ODF2: variants seen among roughly 807,000 people sequenced by gnomAD.
The protein encoded by ODF2 is outer dense fiber protein 2.
ODF2 carries 47 observed loss-of-function variants against 110.2 expected under a neutral mutation model. The ratio of observed to expected loss-of-function variants is 0.43; its 90% CI spans 0.34 to 0.54. The LOEUF (loss-of-function observed/expected upper bound fraction) is 0.54. Ranked by LOEUF, ODF2 falls within the 20% of genes least tolerant of loss-of-function variation. The pLI, the probability that ODF2 is intolerant of heterozygous loss-of-function variation, is 0.03. For missense variants in ODF2, 812 were observed against 1,054.5 expected, an observed-to-expected ratio of 0.77 and a Z score of 3.19; for synonymous variants, 352 against 397.7, an observed-to-expected ratio of 0.89 and a Z score of 1.37.
intron 6 of ODF2, among the ~76,000 whole-genome samples, chr9:128,472,602 A>G (rs1204719067): frequency 6.6e-6 from 1 of 152,196 alleles, no homozygotes; most frequent in East Asian, 1.9e-4. Flanking sequence ...TCGTATCTGA[A>G]GATGGTGCGT....
intron 13 of ODF2, among the ~76,000 whole-genome samples, chr9:128,487,647 C>T (rs1403934556): frequency 2.0e-5 from 3 of 151,984 alleles, no homozygotes; most frequent in South Asian, 2.1e-4. Flanking sequence ...CTTAGCCGGG[C>T]GTGGCGGTGG....
rs117115948 is a variant in ODF2, at chr9:128,491,366, A to G, written c.1537-1060A>G. Among the ~76,000 whole-genome samples, 830 of 150,110 alleles carry G rather than the reference A, an allele frequency of 5.5e-3. 25 individuals are homozygous for G. The highest frequency in any genetic ancestry group is 0.028 in the East Asian group (132 of 4,798). ...CCCACAACATATTGTTAATTTTAAA[A>G]GTGTGTTACAGCTAGATGTGGTGGC... On this transcript the variant is annotated intron_variant, in intron 14 of 20. Coordinates refer to ENST00000604420, the Ensembl canonical transcript of ODF2.
intron 8 of ODF2, among the ~76,000 whole-genome samples, chr9:128,476,793 C>G (rs1396822409): frequency 6.6e-6 from 1 of 151,632 alleles, no homozygotes; most frequent in Non-Finnish European, 1.5e-5. Context: ...TGCGTGCCAC[C>G]ATGCCCAGCT....
At chr9:128,457,282 C>G (rs2131402347) in exon 2 of ODF2, 3 of 1,603,952 alleles carry the variant, frequency 1.9e-6, no homozygotes, top group Middle Eastern at 1.7e-4. Flanking sequence ...CACCCTTCTC[C>G]CCTCAGAGAG....
Position 128,456,942 on chromosome 9 carries a change from C to T in ODF2, c.-208-256C>T, listed in dbSNP as rs150373158. 432 of 1,242,134 alleles carry T rather than the reference C, an allele frequency of 3.5e-4. 10 individuals carry two copies. In the East Asian group the frequency reaches 0.015, roughly 43 times the overall value. The allele number at this position is 1,242,134 out of a possible 1,614,324, so 76.9% of individuals were successfully genotyped here. On this transcript the variant is annotated intron_variant, in intron 1 of 20. Coordinates refer to ENST00000604420, the Ensembl canonical transcript of ODF2. Reference sequence around the variant, plus strand: ...GCCCCTTCTCCTAGGAGACAGTTGTCCGGCCCCGCCCCAGCATCCCCGCGG... The same window carrying T: ...GCCCCTTCTCCTAGGAGACAGTTGTTCGGCCCCGCCCCAGCATCCCCGCGG...
intron 8 of ODF2, among the ~76,000 whole-genome samples, chr9:128,479,854 G>T (rs1842079876): frequency 6.6e-6 from 1 of 152,198 alleles, no homozygotes; most frequent in Non-Finnish European, 1.5e-5. Flanking sequence ...GGGAATGGCT[G>T]CTTAATGGTA....
chr9:128,484,116 G>T (rs1020319166), intron 11 of ODF2, 62 bp downstream of exon 11: 1 of 1,227,386 alleles, frequency 8.1e-7, no homozygotes, highest in East Asian at 2.3e-5. Flanking sequence ...TGATGGTAGC[G>T]GCCTGGCCCA....
chr9:128,487,008 T>C (rs892048651), intron 13 of ODF2, among the ~76,000 whole-genome samples: 5 of 152,184 alleles, frequency 3.3e-5, no homozygotes, highest in Admixed American at 6.5e-5. Flanking sequence ...ATCATGTCTC[T>C]GGTCCTTGCC....
At chr9:128,491,932 T>A (rs1016688875) in intron 14 of ODF2, among the ~76,000 whole-genome samples, 2 of 148,048 alleles carry the variant, frequency 1.4e-5, no homozygotes, top group African/African-American at 2.5e-5. Context: ...AGGGGCACGA[T>A]CTCACCTTAC....
rs377149460 is a variant in ODF2 at position 128,472,897 on chromosome 9, G to A, written c.582-16G>A. 60 of 1,613,436 alleles carry A rather than the reference G, an allele frequency of 3.7e-5. No individual in the cohort carries two copies. Among genetic ancestry groups the A allele is most frequent in the Non-Finnish European group, 4.3e-5 (51 of 1,179,686 alleles). On this transcript the variant is annotated splice_polypyrimidine_tract_variant and intron_variant, in intron 6 of 20. Coordinates refer to ENST00000604420, the Ensembl canonical transcript of ODF2. ...GGGGCCTGGGAGGGCTCACAGAGCC[G>A]TCTTTCTGGCCCCAGACTTCAGAAG...
chr9:128,456,562 C>A (rs926381478), intron 1 of ODF2: 2 of 1,526,982 alleles, frequency 1.3e-6, no homozygotes, highest in African/African-American at 2.8e-5. Flanking sequence ...GAAACCGGTA[C>A]CCTCCTGCCT....
In ODF2 at chr9:128,494,785, A is replaced by G. The variant is rs957576916; in HGVS notation, c.1911+117A>G. The G allele has an allele frequency of 3.8e-6, 6 of 1,590,982 alleles. No homozygotes were observed. In the African/African-American group the frequency reaches 6.7e-5, roughly 18 times the overall value. On this transcript the variant is annotated intron_variant, in intron 17 of 20. Transcript: ENST00000604420. The surrounding 1 kb of genome is among the most constrained non-coding windows in gnomAD (Gnocchi z 4.6). ...TCCTTTTTCTTGGCTGCTGCTTTTT[A>G]AAAGGAGTGAGCTATCATCAGTGCT...
intron 3 of ODF2, chr9:128,460,100 T>C: frequency 1.6e-6 from 2 of 1,275,734 alleles, no homozygotes; most frequent in Non-Finnish European, 2.1e-6. Flanking sequence ...GCCTGCTCTC[T>C]GATTTATTCT....
chr9:128,494,953 A>C lies in ODF2; in HGVS notation c.1911+285A>C. The C allele has an allele frequency of 3.7e-6, 3 of 803,400 alleles. No homozygotes were observed. The highest frequency in any genetic ancestry group is 5.7e-6 in the Non-Finnish European group (3 of 530,214). The allele number at this position is 803,400 out of a possible 1,614,324, so 49.8% of individuals were successfully genotyped here. On this transcript the variant is annotated intron_variant, in intron 17 of 20. Transcript: ENST00000604420. This position sits in a 1 kb window ranked among gnomAD's most constrained non-coding sequence, Gnocchi z 4.6. The stretch of plus-strand genomic sequence containing the variant: ...TGCTGCCTCTGCCTGTGTGCTCCGC[A>C]GCTGTCCTCAGCTCCACACCCACAG...
At chr9:128,457,093 C>T (rs1390627226) in intron 1 of ODF2, 4 of 1,367,364 alleles carry the variant, frequency 2.9e-6, no homozygotes, top group Non-Finnish European at 3.8e-6. Flanking sequence ...CGCGTGGGAC[C>T]CGGGCGCGGT....
chr9:128,464,893 C>CA (rs1564464559), intron 4 of ODF2, among the ~76,000 whole-genome samples: 5 of 39,016 alleles, frequency 1.3e-4, no homozygotes, highest in Non-Finnish European at 2.0e-4. Flanking sequence ...CGGGGTTTCA[C>CA]CGTTTTAGCC....
At chr9:128,469,455 C>A in intron 5 of ODF2, 102 bp downstream of exon 5, 2 of 1,227,592 alleles carry the variant, frequency 1.6e-6, no homozygotes, top group Non-Finnish European at 1.2e-6. Context: ...TGCAGGCCTT[C>A]AGGCCTCCTC....
At chr9:128,456,945 G>A in intron 1 of ODF2, 1 of 1,238,578 alleles carries the variant, frequency 8.1e-7, no homozygotes, top group Non-Finnish European at 1.0e-6. Context: ...CAGTTGTCCG[G>A]CCCCGCCCCA....
chr9:128,456,356 G>A, intron 1 of ODF2, 101 bp downstream of exon 1: 1 of 1,428,474 alleles, frequency 7.0e-7, no homozygotes, highest in Non-Finnish European at 9.1e-7. Context: ...CGGGGCCGTC[G>A]GGTCCTGGGT....
Sources: allele counts gnomAD v4.1 joint callset (sites outside exome capture counted in the v4.1 genomes callset), GRCh38; gene constraint gnomAD v4.1.1; non-coding constraint Gnocchi (gnomAD v3.1); transcripts MANE v1.5; gene names NCBI Gene and HGNC (gene_info 2026-07-23, HGNC 2026-07-21).